ARHGAP35: variants seen among roughly 807,000 people sequenced by gnomAD.
The protein encoded by ARHGAP35 is Rho GTPase activating protein 35, also known as rho GTPase-activating protein 35.
In ARHGAP35, 15 loss-of-function variants were observed where a neutral mutation model predicts 111.1. The observed-to-expected ratio is 0.13, with a 90% CI of 0.09 to 0.21. ARHGAP35 has a LOEUF of 0.21. Ranked by LOEUF, ARHGAP35 falls within the 10% of genes least tolerant of loss-of-function variation. ARHGAP35 has a pLI of 1.00. For missense variants in ARHGAP35, 1,262 were observed against 1,873.0 expected, an observed-to-expected ratio of 0.67 and a Z score of 6.02; for synonymous variants, 643 against 710.3, an observed-to-expected ratio of 0.91 and a Z score of 1.51.
intron 3 of ARHGAP35, among the ~76,000 whole-genome samples, chr19:46,979,711 C>T (rs1044173624): frequency 6.6e-6 from 1 of 152,178 alleles, no homozygotes; most frequent in Non-Finnish European, 1.5e-5. Context: ...TCGCTGGCAT[C>T]GGGAATGTAT....
chr19:46,923,104 T>C (rs899742360), intron 2 of ARHGAP35, among the ~76,000 whole-genome samples: 13 of 145,028 alleles, frequency 9.0e-5, no homozygotes, highest in South Asian at 6.6e-4. Flanking sequence ...TGAAGTCTCT[T>C]TTTTTTTTTT....
intron 3 of ARHGAP35, among the ~76,000 whole-genome samples, chr19:46,961,517 C>T (rs1421219288): frequency 1.3e-5 from 2 of 152,160 alleles, no homozygotes; most frequent in East Asian, 1.9e-4. Context: ...TCCACCTCTC[C>T]ACAACATGGG....
chr19:46,958,006 C>T (rs1342865810), intron 3 of ARHGAP35, among the ~76,000 whole-genome samples: 2 of 152,032 alleles, frequency 1.3e-5, no homozygotes, highest in African/African-American at 4.8e-5. Context: ...TGGGTTTAAG[C>T]GATCCTCCTG....
intron 3 of ARHGAP35, among the ~76,000 whole-genome samples, chr19:46,981,011 T>C (rs545650764): frequency 1.4e-4 from 21 of 152,324 alleles, no homozygotes; most frequent in African/African-American, 4.6e-4. Context: ...TGATCTTCCA[T>C]TGAGGTGAGA....
chr19:46,874,501 C>CTTTTTTTTTTTTTTTTTTTTTTTTTTTT (rs758783354), intron 1 of ARHGAP35, among the ~76,000 whole-genome samples: 1 of 114,468 alleles, frequency 8.7e-6, no homozygotes, highest in Non-Finnish European at 1.7e-5. Context: ...TATGTTTTGT[C>CTTTTTTTTTTTTTTTTTTTTTTTTTTTT]TTTTTTTTTT....
chr19:46,861,941 C>T (rs1022668178), intron 1 of ARHGAP35, among the ~76,000 whole-genome samples: 2 of 152,182 alleles, frequency 1.3e-5, no homozygotes, highest in African/African-American at 2.4e-5. Flanking sequence ...TCTGCCCTCT[C>T]GCAGAGCCTG....
chr19:46,883,271 T>G (rs558568087), intron 1 of ARHGAP35, among the ~76,000 whole-genome samples: 66 of 151,868 alleles, frequency 4.3e-4, no homozygotes, highest in African/African-American at 1.5e-3. Context: ...ATTTTTTTTT[T>G]TTTTTGTTAG....
chr19:46,933,053 T>G (rs2056282062), intron 2 of ARHGAP35, among the ~76,000 whole-genome samples: 1 of 151,918 alleles, frequency 6.6e-6, no homozygotes, highest in African/African-American at 2.4e-5. Context: ...AATTTAAAGT[T>G]CCCTGGTATT....
chr19:46,867,346 A>T (rs1238640465), intron 1 of ARHGAP35, among the ~76,000 whole-genome samples: 1 of 152,076 alleles, frequency 6.6e-6, no homozygotes, highest in Non-Finnish European at 1.5e-5. Flanking sequence ...ATATCTCTGC[A>T]TTCTTACTTG....
chr19:46,863,612 A>C (rs1599787230), intron 1 of ARHGAP35, among the ~76,000 whole-genome samples: 1 of 148,098 alleles, frequency 6.8e-6, no homozygotes, highest in African/African-American at 2.5e-5. Context: ...CTCCCCTTCC[A>C]CCTCTAAGCC....
chr19:46,997,593 G>A (rs530796828), intron 5 of ARHGAP35: 9 of 152,292 alleles, frequency 5.9e-5, no homozygotes, highest in African/African-American at 1.9e-4. Flanking sequence ...CGGTTGACGC[G>A]AGAGGCCGGA....
At position 46,988,053 on chromosome 19, in the gene ARHGAP35, A is replaced by G. The variant is rs2056660465; in HGVS notation, c.3891A>G (p.Arg1297=). ...AGTCTGAGATGGAGAGTCTGCAGAG[A>G]CAGTTTGATCAAGGTAAAGTGCAGC... ...GNKSEMESLQ[R]QFDQDHNLDL... Residue 1297 remains arginine, a synonymous_variant, in exon 4 of 7, where the codon AGA becomes AGG. Transcript: ENST00000672722. The surrounding 1 kb of genome is among the most constrained non-coding windows in gnomAD (Gnocchi z 5.4). 11 of 1,613,682 alleles carry G rather than the reference A, an allele frequency of 6.8e-6. No homozygotes were observed. The highest frequency in any genetic ancestry group is 9.3e-6 in the Non-Finnish European group (11 of 1,179,846).
chr19:46,941,494 A>G lies in ARHGAP35; in HGVS notation c.3826+4086A>G, dbSNP rs1348865328. Among the ~76,000 whole-genome samples the G allele has an allele frequency of 2.6e-5, 4 of 151,574 alleles. No individual in the cohort carries two copies. The East Asian group carries it at 6.0e-4, about 23-fold the overall frequency. On this transcript the variant is annotated intron_variant, in intron 3 of 6. Transcript: ENST00000672722. ...GAGGTGGGAGAATTGCTTGAGGCCA[A>G]AGGTTCAAGGCTGCAAGTGAGCTGT...
chr19:46,991,809 C>G (rs1176072745), intron 5 of ARHGAP35, among the ~76,000 whole-genome samples: 2 of 152,210 alleles, frequency 1.3e-5, no homozygotes, highest in African/African-American at 4.8e-5. Context: ...GATGATTGTG[C>G]CCCAAAGTAG....
intron 1 of ARHGAP35, among the ~76,000 whole-genome samples, chr19:46,862,991 T>A (rs1275076732): frequency 6.6e-6 from 1 of 152,112 alleles, no homozygotes; most frequent in Non-Finnish European, 1.5e-5. Context: ...TGATAGATTA[T>A]CACTCCCCTT....
rs529794559 is a variant in ARHGAP35 at position 46,862,442 on chromosome 19, C to A, written c.-189+1233C>A. Among the ~76,000 whole-genome samples, 3 of 152,076 alleles carry A rather than the reference C, an allele frequency of 2.0e-5. No homozygotes were observed. The South Asian group carries it at 6.2e-4, about 32-fold the overall frequency. The stretch of plus-strand genomic sequence containing the variant: ...TCCTGTCCCCTCTTTGCTCCAATTC[C>A]TCTCCTCCCCGTTTTAGCCCTTAGA... On this transcript the variant is annotated intron_variant, in intron 1 of 6. Coordinates refer to ENST00000672722, the MANE Select transcript of ARHGAP35 (RefSeq NM_004491.5).
At chr19:46,958,138 C>T (rs2056451849) in intron 3 of ARHGAP35, among the ~76,000 whole-genome samples, 1 of 152,206 alleles carries the variant, frequency 6.6e-6, no homozygotes, top group Non-Finnish European at 1.5e-5. Context: ...AATCCCAGCA[C>T]TTTGGGAGGC....
At position 46,918,482 on chromosome 19, in the gene ARHGAP35, A is replaced by T. The variant is rs900600515; in HGVS notation, c.-188-6A>T. On this transcript the variant is annotated splice_region_variant and splice_polypyrimidine_tract_variant and intron_variant, in intron 1 of 6. Coordinates refer to ENST00000672722, the MANE Select transcript of ARHGAP35 (RefSeq NM_004491.5). This position sits in a 1 kb window ranked among gnomAD's most constrained non-coding sequence, Gnocchi z 5.4. ...GATGGGTTTTCTTTTTTTTTCCCCC[A>T]TCTAGGAAGAAATGTTGGCTATTTG... 1.1e-4 allele frequency among the ~76,000 whole-genome samples: 17 copies of T among 151,716 alleles called. No individual in the cohort carries two copies. Among genetic ancestry groups the T allele is most frequent in the Admixed American group, 1.1e-3 (17 of 15,230 alleles).
At chr19:46,892,468 CAAAAA>C (rs982546554) in intron 1 of ARHGAP35, among the ~76,000 whole-genome samples, 2 of 67,114 alleles carry the variant, frequency 3.0e-5, no homozygotes, top group Non-Finnish European at 6.0e-5. Context: ...AACCCTGTCT[CAAAAA>C]AAAAAAAAAA....
Sources: gnomAD v4.1 joint callset for allele counts (sites outside exome capture counted in the v4.1 genomes callset) on GRCh38, gnomAD v4.1.1 for gene constraint, Gnocchi (gnomAD v3.1) non-coding constraint, MANE v1.5 for transcripts, NCBI Gene and HGNC (gene_info 2026-07-23, HGNC 2026-07-21) for gene names.